The following TUSC3 variants were observed in gnomAD, a reference collection of about 807,000 sequenced individuals.
TUSC3 encodes tumor suppressor candidate 3.
A neutral mutation model predicts 44.8 loss-of-function variants in TUSC3; 45 were observed. That is an observed-to-expected ratio of 1.00 (90% CI 0.79 to 1.29). The LOEUF (loss-of-function observed/expected upper bound fraction) is 1.29. Ranked by LOEUF, TUSC3 falls within the 50% of genes most tolerant of loss-of-function variation. The pLI, the probability that TUSC3 is intolerant of heterozygous loss-of-function variation, is 0.00. For missense variants in TUSC3, 519 were observed against 437.9 expected (o/e 1.19, Z -1.65); for synonymous variants, 212 against 152.9 (o/e 1.39, Z -2.85).
intron 6 of TUSC3, among the ~76,000 whole-genome samples, chr8:15,693,232 G>A (rs1274184899): frequency 6.6e-6 from 1 of 152,152 alleles, no homozygotes; most frequent in East Asian, 1.9e-4. Context: ...ACTTGTTTGT[G>A]TGGTTGCTTT....
At chr8:15,655,197 T>C (rs1397873659) in intron 3 of TUSC3, among the ~76,000 whole-genome samples, 1 of 152,120 alleles carries the variant, frequency 6.6e-6, no homozygotes, top group Non-Finnish European at 1.5e-5. Context: ...AAAGGCAGTC[T>C]CCCAGTAAAT....
chr8:15,759,263 A>G (rs908146035), intron 10 of TUSC3, among the ~76,000 whole-genome samples: 11 of 151,994 alleles, frequency 7.2e-5, no homozygotes, highest in African/African-American at 2.4e-4. Flanking sequence ...ACCCACCCAC[A>G]TAAGTGATGT....
At chr8:15,530,391 C>G (rs1187589350) in intron 2 of TUSC3, among the ~76,000 whole-genome samples, 1 of 152,158 alleles carries the variant, frequency 6.6e-6, no homozygotes, top group Non-Finnish European at 1.5e-5. Context: ...AAGCTACTAT[C>G]ATAATGGGAG....
At chr8:15,459,592 A>G in intron 1 of TUSC3, among the ~76,000 whole-genome samples, 1 of 151,870 alleles carries the variant, frequency 6.6e-6, no homozygotes, top group South Asian at 2.1e-4. Flanking sequence ...ACTGCACCCT[A>G]TTTGTAGTCT....
At chr8:15,597,660 A>G (rs141654807) in intron 1 of TUSC3, among the ~76,000 whole-genome samples, 1 of 152,124 alleles carries the variant, frequency 6.6e-6, no homozygotes, top group Non-Finnish European at 1.5e-5. Context: ...ACACATTGAT[A>G]TTAGATTGAC....
At chr8:15,790,497 G>T in the TUSC3 span, among the ~76,000 whole-genome samples, 12 of 152,074 alleles carry the variant, frequency 7.9e-5, no homozygotes, top group Admixed American at 3.3e-4. Context: ...CATGGCATTT[G>T]TAAACTGTCA....
chr8:15,661,101 G>A (rs1259182995), intron 4 of TUSC3, among the ~76,000 whole-genome samples: 1 of 151,802 alleles, frequency 6.6e-6, no homozygotes, highest in African/African-American at 2.4e-5. Flanking sequence ...CACACATGCA[G>A]ACACATATGC....
intron 1 of TUSC3, among the ~76,000 whole-genome samples, chr8:15,433,503 C>G (rs1185008498): frequency 2.0e-5 from 3 of 152,004 alleles, no homozygotes; most frequent in Non-Finnish European, 4.4e-5. Context: ...TCAAATTTCC[C>G]TTTATTCCTG....
intron 5 of TUSC3, among the ~76,000 whole-genome samples, chr8:15,663,142 A>G (rs921900926): frequency 6.6e-6 from 1 of 151,848 alleles, no homozygotes; most frequent in Non-Finnish European, 1.5e-5. Context: ...CTCTTTCACA[A>G]TAGGAAGGGA....
chr8:15,564,929 G>A (rs1209965253), intron 1 of TUSC3, among the ~76,000 whole-genome samples: 1 of 152,176 alleles, frequency 6.6e-6, no homozygotes, highest in Non-Finnish European at 1.5e-5. Flanking sequence ...TCTTTACAGA[G>A]AGCTGAGGCA....
At chr8:15,691,625 C>T (rs550108727) in intron 6 of TUSC3, among the ~76,000 whole-genome samples, 2 of 152,160 alleles carry the variant, frequency 1.3e-5, no homozygotes, top group African/African-American at 4.8e-5. Context: ...TGCCCATTCA[C>T]TATGATGTTG....
chr8:15,525,023 A>C (rs1390452797), intron 2 of TUSC3, among the ~76,000 whole-genome samples: 1 of 152,240 alleles, frequency 6.6e-6, no homozygotes, highest in Non-Finnish European at 1.5e-5. Context: ...CAAAGGAACA[A>C]AAGCCTGCAA....
intron 1 of TUSC3, among the ~76,000 whole-genome samples, chr8:15,470,838 T>G (rs1800482500): frequency 6.6e-6 from 1 of 152,152 alleles, no homozygotes; most frequent in South Asian, 2.1e-4. Context: ...CCAGTGAGTG[T>G]GGGTGTGAGT....
At chr8:15,703,872 G>A (rs1469888008) in intron 6 of TUSC3, among the ~76,000 whole-genome samples, 1 of 152,120 alleles carries the variant, frequency 6.6e-6, no homozygotes, top group Non-Finnish European at 1.5e-5. Context: ...ACAAACCATA[G>A]CACTGTATTC....
chr8:15,848,806 A>T, the TUSC3 span, among the ~76,000 whole-genome samples: 4 of 152,168 alleles, frequency 2.6e-5, no homozygotes, highest in African/African-American at 9.6e-5. Flanking sequence ...CTTCTTTGGG[A>T]CCAACTTTTA....
In TUSC3 at chr8:15,525,094, G is replaced by T. The variant is rs118131292; in HGVS notation, n.189+41611G>T. ...ATGTATACTAGGTTTTCTTAAAGAT[G>T]TAAAGGTACAAGGAGACCATTAACC... On this transcript the variant is annotated intron_variant and non_coding_transcript_variant, in intron 2 of 5. Coordinates refer to the TUSC3 transcript ENST00000503191. Among the ~76,000 whole-genome samples the T allele has an allele frequency of 4.6e-3, 707 of 152,296 alleles. 8 individuals carry two copies. The highest frequency in any genetic ancestry group is 0.024 in the Middle Eastern group (7 of 294).
At chr8:15,733,278 A>T (rs994432917) in intron 7 of TUSC3, 3 of 321,852 alleles carry the variant, frequency 9.3e-6, no homozygotes, top group African/African-American at 6.7e-5. Flanking sequence ...ATTAAAGCAA[A>T]TGGATAGAAA....
intron 1 of TUSC3, among the ~76,000 whole-genome samples, chr8:15,578,893 A>G (rs1020064558): frequency 2.0e-5 from 3 of 152,080 alleles, no homozygotes; most frequent in African/African-American, 7.2e-5. Context: ...AAGGAATGGT[A>G]CCAGTTCCTC....
At chr8:15,557,850 A>G (rs561339354) in intron 1 of TUSC3, among the ~76,000 whole-genome samples, 3,099 of 119,130 alleles carry the variant, frequency 0.026, 297 homozygotes, top group African/African-American at 0.089. Flanking sequence ...TTGTACATTG[A>G]TTTTGTATCC....
Sources: gnomAD v4.1 joint callset for allele counts (sites outside exome capture counted in the v4.1 genomes callset) on GRCh38, gnomAD v4.1.1 for gene constraint, MANE v1.5 for transcripts, NCBI Gene and HGNC (gene_info 2026-07-23, HGNC 2026-07-21) for gene names.